The following ZC3H8 variants were observed in gnomAD, a reference collection of about 807,000 sequenced individuals.
ZC3H8 encodes the protein zinc finger CCCH domain-containing protein 8.
Under a neutral mutation model 42.5 loss-of-function variants are expected in ZC3H8, and 27 were observed. The ratio of observed to expected loss-of-function variants is 0.64; its 90% CI spans 0.47 to 0.88. ZC3H8 has a LOEUF of 0.88. Among genes scored for constraint, ZC3H8 ranks in the 40% least tolerant of loss-of-function variants. The pLI is 0.00. For synonymous variants in ZC3H8, 101 were observed against 110.1 expected, an observed-to-expected ratio of 0.92 and a Z score of 0.52; for missense variants, 277 against 336.1, an observed-to-expected ratio of 0.82 and a Z score of 1.37.
chr2:112,244,513 T>C (rs1196456387), intron 2 of ZC3H8, among the ~76,000 whole-genome samples: 1 of 152,210 alleles, frequency 6.6e-6, no homozygotes, highest in African/African-American at 2.4e-5. Context: ...AAGAAAGTTA[T>C]AGGCATACCT....
In ZC3H8 at chr2:112,239,489, C is replaced by G. The variant is rs34239351; in HGVS notation, c.157-961G>C. On this transcript the variant is annotated intron_variant, in intron 2 of 8. Coordinates refer to ENST00000409573, the MANE Select transcript of ZC3H8 (RefSeq NM_032494.3). ...TCTCTTATTTGCTTTCACATGATAA[C>G]TAAGAAGCAAACTCAAAACAAACAG... Among the ~76,000 whole-genome samples the G allele has an allele frequency of 5.1e-3, 766 of 150,716 alleles. 3 individuals carry two copies. Among genetic ancestry groups the G allele is most frequent in the Non-Finnish European group, 8.8e-3 (600 of 67,860 alleles).
chr2:112,250,069 A>C, intron 2 of ZC3H8, 122 bp downstream of exon 2: 1 of 632,250 alleles, frequency 1.6e-6, no homozygotes, highest in Non-Finnish European at 2.5e-6. Context: ...TGAGACAAGT[A>C]GGATCCTTCA....
chr2:112,222,540 A>AATACT (rs141966411), intron 8 of ZC3H8, among the ~76,000 whole-genome samples: 1,566 of 152,358 alleles, frequency 0.01, 11 homozygotes, highest in Middle Eastern at 0.027. Flanking sequence ...GAGAAGGACA[A>AATACT]ATACTATATG....
chr2:112,251,461 T>C (rs1447996238), intron 1 of ZC3H8, among the ~76,000 whole-genome samples: 1 of 152,180 alleles, frequency 6.6e-6, no homozygotes, highest in Admixed American at 6.5e-5. Flanking sequence ...AGCTATAGTT[T>C]CCAGTAATGA....
chr2:112,254,136 GAT>G (rs1187732828), intron 1 of ZC3H8: 4 of 985,206 alleles, frequency 4.1e-6, no homozygotes. Flanking sequence ...TAAAATTTGA[GAT>G]AGAGTGAACA....
rs781135871 is a variant in ZC3H8 at position 112,231,952 on chromosome 2, C to A, written c.734-5G>T. On this transcript the variant is annotated splice_region_variant and splice_polypyrimidine_tract_variant and intron_variant, in intron 6 of 8. Transcript: ENST00000409573. ...AAAACTTACAAGGATATTCATGTAA[C>A]CCAAGTGTTAAGGAAGAGAACAATT... The A allele has an allele frequency of 6.8e-7, 1 of 1,467,638 alleles. No homozygotes were observed. Among genetic ancestry groups the A allele is most frequent in the Admixed American group, 1.8e-5 (1 of 54,522 alleles). 90.9% of individuals were successfully genotyped at this position (1,467,638 alleles called of 1,614,324 possible). A position where few individuals can be genotyped will look rare whatever the true frequency, so the allele number is the denominator to read the frequency against.
rs1429729164 is a variant in ZC3H8 at position 112,233,301 on chromosome 2, T to G, written c.692A>C (p.Gln231Pro). The change falls in exon 6 of 9, where the codon CAA becomes CCA. Residue 231 changes from glutamine (Q) to proline (P), a missense_variant. Physicochemically the swap from Gln to Pro is moderately conservative, Grantham distance 76. Transcript: ENST00000409573. ...GTTTTCACCTCTGGTACAATATCCT[T>G]GTACATAAAACTTACACATTTCCTT... ...KKKEMCKFYV[Q>P]GYCTRGENCL... 13 of 1,601,484 alleles carry G rather than the reference T, an allele frequency of 8.1e-6. No individual in the cohort carries two copies. The highest frequency in any genetic ancestry group is 1.1e-5 in the Non-Finnish European group (13 of 1,173,380).
chr2:112,250,530 C>CATTCATCCATCATTCCATTA (rs1685909864), intron 1 of ZC3H8, among the ~76,000 whole-genome samples: 1 of 152,180 alleles, frequency 6.6e-6, no homozygotes, highest in Non-Finnish European at 1.5e-5. Context: ...ATAAATCATT[C>CATTCATCCATCATTCCATTA]ATTCATCCAT....
Position 112,251,893 on chromosome 2 carries a change from C to T in ZC3H8, c.75-1621G>A, listed in dbSNP as rs1239312879. On this transcript the variant is annotated intron_variant, in intron 1 of 8. Coordinates refer to ENST00000409573, the MANE Select transcript of ZC3H8 (RefSeq NM_032494.3). ...GATAGGACAGAGGTGACCACCTCTT[C>T]TCTGTAAAACATGTTCTTTACTTAG... Among the ~76,000 whole-genome samples the T allele has an allele frequency of 3.3e-5, 5 of 152,216 alleles. No individual in the cohort carries two copies. In the East Asian group the frequency reaches 9.6e-4, roughly 29 times the overall value.
At chr2:112,245,836 T>C (rs1270100880) in intron 2 of ZC3H8, among the ~76,000 whole-genome samples, 1 of 152,216 alleles carries the variant, frequency 6.6e-6, no homozygotes, top group Non-Finnish European at 1.5e-5. Flanking sequence ...GAGAAGTCAA[T>C]ACCTCACTTC....
intron 2 of ZC3H8, among the ~76,000 whole-genome samples, chr2:112,249,633 G>T (rs1052209606): frequency 1.3e-5 from 2 of 152,050 alleles, no homozygotes; most frequent in African/African-American, 4.8e-5. Flanking sequence ...TTTTAGTAGA[G>T]ATGGGTTTCA....
chr2:112,233,210 AT>A, intron 6 of ZC3H8, 49 bp downstream of exon 6: 1 of 1,303,052 alleles, frequency 7.7e-7, no homozygotes, highest in Non-Finnish European at 1.0e-6. Context: ...CACATTTAAA[AT>A]GTTCATGTAA....
intron 7 of ZC3H8, among the ~76,000 whole-genome samples, chr2:112,231,181 T>C (rs1436123943): frequency 6.6e-6 from 1 of 152,172 alleles, no homozygotes; most frequent in Non-Finnish European, 1.5e-5. Flanking sequence ...TAATTCCACA[T>C]TAACCATTCA....
At chr2:112,251,589 G>A (rs1321830105) in intron 1 of ZC3H8, among the ~76,000 whole-genome samples, 1 of 152,182 alleles carries the variant, frequency 6.6e-6, no homozygotes, top group Non-Finnish European at 1.5e-5. Flanking sequence ...TGTGCCAGAT[G>A]CTGCTCCATA....
intron 2 of ZC3H8, among the ~76,000 whole-genome samples, chr2:112,243,711 A>T (rs1296495409): frequency 6.6e-6 from 1 of 152,180 alleles, no homozygotes; most frequent in Non-Finnish European, 1.5e-5. Context: ...CGTACATAAC[A>T]TCCTCAATTT....
rs149484708 is a variant in ZC3H8 at position 112,233,667 on chromosome 2, A to G, written c.622-296T>C. On this transcript the variant is annotated intron_variant, in intron 5 of 8. Transcript: ENST00000409573. ...CGGATCATGAGGTCAGGAGATCGAGACCATCCTGGCTAACACGGTGAAACC... is the reference window on the plus strand; with the variant it reads ...CGGATCATGAGGTCAGGAGATCGAGGCCATCCTGGCTAACACGGTGAAACC... Among the ~76,000 whole-genome samples the G allele has an allele frequency of 7.3e-4, 111 of 152,286 alleles. No homozygotes were observed. In the East Asian group the frequency reaches 0.014, roughly 19 times the overall value.
At chr2:112,233,165 G>T in intron 6 of ZC3H8, 95 bp downstream of exon 6, 1 of 705,316 alleles carries the variant, frequency 1.4e-6, no homozygotes, top group Non-Finnish European at 2.3e-6. Context: ...TATCATTTTG[G>T]TATACCTAAA....
intron 1 of ZC3H8, among the ~76,000 whole-genome samples, chr2:112,252,038 T>A (rs914082837): frequency 6.6e-6 from 1 of 152,234 alleles, no homozygotes; most frequent in Admixed American, 6.5e-5. Flanking sequence ...CTCTTCTTTG[T>A]CTATATTCTC....
chr2:112,250,499 T>C (rs1685909071), intron 1 of ZC3H8, among the ~76,000 whole-genome samples: 1 of 152,234 alleles, frequency 6.6e-6, no homozygotes, highest in Admixed American at 6.5e-5. Flanking sequence ...AAAGCCTTAA[T>C]GTTCAAGTAT....
Sources: gnomAD v4.1 joint callset for allele counts (sites outside exome capture counted in the v4.1 genomes callset) on GRCh38, gnomAD v4.1.1 for gene constraint, MANE v1.5 for transcripts, NCBI Gene and HGNC (gene_info 2026-07-23, HGNC 2026-07-21) for gene names.